Variants in SLC12A1 observed in about 807,000 individuals in gnomAD.
The protein encoded by SLC12A1 is solute carrier family 12 member 1.
SLC12A1 carries 89 observed loss-of-function variants against 130.4 expected under a neutral mutation model. The observed-to-expected ratio is 0.68, with a 90% confidence interval of 0.58 to 0.81. The LOEUF is 0.81. SLC12A1 is among the 40% of genes least tolerant of loss of function. The probability of loss-of-function intolerance (pLI) is 0.00; values close to 1 mark genes in which losing one functional copy is unlikely to be tolerated. For missense variants in SLC12A1, 1,310 were observed against 1,336.4 expected (o/e 0.98, Z 0.31); for synonymous variants, 499 against 460.0 (o/e 1.08, Z -1.09).
chr15:48,274,653 GGTAT>G lies in SLC12A1; in HGVS notation c.2485+4_2485+7del, dbSNP rs1337057109. Reference sequence around the variant, plus strand: ...CATCTCTCAGGTTCTTCAGGTGCAAGGTATGTACTTTCTTTATTCAACCAACAAG... The same window carrying G: ...CATCTCTCAGGTTCTTCAGGTGCAAGGTACTTTCTTTATTCAACCAACAAG... On this transcript the variant is annotated splice_donor_variant and splice_donor_region_variant and intron_variant, in intron 20 of 26. Transcript: ENST00000380993. LOFTEE classifies it high-confidence loss of function. The G allele has an allele frequency of 6.2e-7, 1 of 1,604,602 alleles. No individual in the cohort carries two copies. Among genetic ancestry groups the G allele is most frequent in the Non-Finnish European group, 8.5e-7 (1 of 1,172,268 alleles).
At chr15:48,254,449 A>G (rs1372853315) in intron 15 of SLC12A1, among the ~76,000 whole-genome samples, 1 of 152,002 alleles carries the variant, frequency 6.6e-6, no homozygotes, top group Non-Finnish European at 1.5e-5. Context: ...ATCTCCAGAT[A>G]ATCATTGTTC....
At chr15:48,267,793 C>T in intron 18 of SLC12A1, 92 bp downstream of exon 18, 1 of 1,383,810 alleles carries the variant, frequency 7.2e-7, no homozygotes, top group Non-Finnish European at 1.0e-6. Flanking sequence ...TGTAGTTAGG[C>T]AGCCAAGCAT....
intron 9 of SLC12A1, 40 bp from the exon 10 acceptor site, chr15:48,241,475 C>T (rs1295450688): frequency 1.4e-6 from 2 of 1,420,238 alleles, no homozygotes; most frequent in Admixed American, 3.3e-5. Context: ...GGTTCTTATT[C>T]TGCTCTGTAT....
chr15:48,301,709 C>G (rs113630041), intron 26 of SLC12A1, among the ~76,000 whole-genome samples: 211 of 152,140 alleles, frequency 1.4e-3, no homozygotes, highest in African/African-American at 5.0e-3. Context: ...CACAAGTCAG[C>G]GACCACAGCT....
intron 10 of SLC12A1, among the ~76,000 whole-genome samples, chr15:48,244,026 A>G (rs2041548446): frequency 6.6e-6 from 1 of 152,262 alleles, no homozygotes; most frequent in Admixed American, 6.5e-5. Context: ...CTAAATGACC[A>G]TAATTCTATT....
intron 2 of SLC12A1, among the ~76,000 whole-genome samples, chr15:48,213,860 G>C (rs1489675431): frequency 1.3e-5 from 2 of 152,010 alleles, no homozygotes; most frequent in Non-Finnish European, 2.9e-5. Context: ...CATCGTTATG[G>C]ATACGAATAA....
At chr15:48,268,476 T>C (rs139252934) in intron 18 of SLC12A1, among the ~76,000 whole-genome samples, 70 of 152,276 alleles carry the variant, frequency 4.6e-4, no homozygotes, top group African/African-American at 1.6e-3. Context: ...TTACTGTATT[T>C]CAGAGTGTCA....
At chr15:48,213,321 G>T (rs1025576724) in intron 2 of SLC12A1, among the ~76,000 whole-genome samples, 8 of 152,126 alleles carry the variant, frequency 5.3e-5, no homozygotes, top group African/African-American at 1.9e-4. Flanking sequence ...TGAGCAGGAG[G>T]TACTTCCTTG....
rs1173282098 is a variant in SLC12A1 at position 48,220,667 on chromosome 15, G to T, written c.454G>T (p.Val152Phe). 4 of 1,613,644 alleles carry T rather than the reference G, an allele frequency of 2.5e-6. No homozygotes were observed. The South Asian group carries it at 4.4e-5, about 18-fold the overall frequency. Reference sequence around the variant, plus strand: ...AGTCACCCCAAGTTCAGCTGACAGAGTTGCTAACGGTGATGGGATACCTGG... The same window carrying T: ...AGTCACCCCAAGTTCAGCTGACAGATTTGCTAACGGTGATGGGATACCTGG... Reference protein sequence around the residue: ...VAVTPSSADRVANGDGIPGDE... With the variant: ...VAVTPSSADRFANGDGIPGDE... Residue 152 changes from valine (V) to phenylalanine (F), a missense_variant, in exon 3 of 27, where the codon GTT (valine) becomes TTT (phenylalanine). Physicochemically the swap from Val to Phe is conservative, Grantham distance 50. Transcript: ENST00000380993.
chr15:48,209,332 G>A (rs1296304503), intron 2 of SLC12A1, among the ~76,000 whole-genome samples: 1 of 152,162 alleles, frequency 6.6e-6, no homozygotes, highest in Admixed American at 6.5e-5. Flanking sequence ...CTCCCAAAGT[G>A]CTGGGATTAC....
At chr15:48,220,884 TTGTCC>T in intron 3 of SLC12A1, 32 bp from the exon 4 acceptor site, 1 of 1,612,826 alleles carries the variant, frequency 6.2e-7, no homozygotes, top group Non-Finnish European at 8.5e-7. Context: ...CCACTATCGT[TTGTCC>T]TGTCTCCTTT....
intron 14 of SLC12A1, 34 bp downstream of exon 14, chr15:48,249,710 C>A: frequency 1.4e-6 from 2 of 1,411,770 alleles, no homozygotes; most frequent in Non-Finnish European, 1.0e-6. Flanking sequence ...TATGCCTAAG[C>A]AAACAGTTAG....
intron 17 of SLC12A1, among the ~76,000 whole-genome samples, chr15:48,261,815 G>C (rs961373685): frequency 2.6e-5 from 4 of 152,132 alleles, no homozygotes; most frequent in African/African-American, 9.7e-5. Context: ...TAACAGTCAA[G>C]TTTCAAATCA....
At position 48,288,145 on chromosome 15, in the gene SLC12A1, T is replaced by A; in HGVS notation, c.2732T>A (p.Ile911Asn). ...AAAAAGAAACAAGAAAAAGGCACAA[T>A]TGATGTTTGGTGGTTGTTTGATGAT... ...QFKKKQEKGT[I>N]DVWWLFDDGG... is the part of the protein sequence containing the mutation. The change falls in exon 22 of 27, where the codon ATT becomes AAT. Residue 911 changes from isoleucine to asparagine, a missense_variant. Coordinates refer to ENST00000380993, the MANE Select transcript of SLC12A1 (RefSeq NM_000338.3). 1 of 1,609,956 alleles carries A rather than the reference T, an allele frequency of 6.2e-7. No homozygotes were observed. Among genetic ancestry groups the A allele is most frequent in the Non-Finnish European group, 8.5e-7 (1 of 1,178,126 alleles).
intron 21 of SLC12A1, among the ~76,000 whole-genome samples, chr15:48,287,393 T>C (rs1191747432): frequency 6.6e-6 from 1 of 152,024 alleles, no homozygotes; most frequent in Non-Finnish European, 1.5e-5. Context: ...TTCACAAAGA[T>C]TCAAATAGCT....
At position 48,269,603 on chromosome 15, in the gene SLC12A1, A is replaced by G. The variant is rs2041870231; in HGVS notation, c.2296-55A>G. 5.7e-6 allele frequency: 5 copies of G among 876,838 alleles called. No individual in the cohort carries two copies. The East Asian group carries it at 9.9e-5, about 17-fold the overall frequency. The allele number at this position is 876,838 out of a possible 1,614,324, so 54.3% of individuals were successfully genotyped here. ...CTTTAGACATTATTTTTCATTTGTG[A>G]TGGTAGTTTCCCAGTACGGTAAGGA... is the stretch of plus-strand genomic sequence containing the variant. On this transcript the variant is annotated intron_variant, in intron 18 of 26. Transcript: ENST00000380993.
chr15:48,247,297 T>G (rs200012803), intron 12 of SLC12A1, 40 bp from the exon 13 acceptor site: 270 of 1,588,114 alleles, frequency 1.7e-4, no homozygotes, highest in Non-Finnish European at 2.1e-4. Context: ...TGACTGTGCA[T>G]AGCTATAAAT....
At chr15:48,235,347 A>G (rs7174343) in intron 9 of SLC12A1, 4,399 of 300,762 alleles carry the variant, frequency 0.015, 201 homozygotes, top group African/African-American at 0.092. Context: ...TGTAAAAGTA[A>G]AAAAAAAACA....
chr15:48,233,580 C>T (rs980325471), intron 8 of SLC12A1, among the ~76,000 whole-genome samples: 7 of 152,160 alleles, frequency 4.6e-5, no homozygotes, highest in Non-Finnish European at 7.4e-5. Flanking sequence ...TCTTTCTCTC[C>T]TTATTTTACT....
Sources: allele counts gnomAD v4.1 joint callset (sites outside exome capture counted in the v4.1 genomes callset), GRCh38; gene constraint gnomAD v4.1.1; transcripts MANE v1.5; gene names NCBI Gene and HGNC (gene_info 2026-07-23, HGNC 2026-07-21).